Variants in LDLRAD1 observed in about 807,000 individuals in gnomAD.
LDLRAD1 encodes low density lipoprotein receptor class A domain containing 1.
Under a neutral mutation model 24.8 loss-of-function variants are expected in LDLRAD1, and 17 were observed. That is an observed-to-expected ratio of 0.69 (90% confidence interval 0.47 to 1.03). The LOEUF (loss-of-function observed/expected upper bound fraction) is 1.03. Ranked by LOEUF, LDLRAD1 falls within the 50% of genes least tolerant of loss-of-function variation. The pLI, the probability that LDLRAD1 is intolerant of heterozygous loss-of-function variation, is 0.00. For missense variants in LDLRAD1, 277 were observed against 271.0 expected (o/e 1.02, Z -0.16); for synonymous variants, 103 against 108.2 (o/e 0.95, Z 0.30).
intron 1 of LDLRAD1, 85 bp from the exon 2 acceptor site, chr1:54,017,512 G>A (rs1409029482): frequency 1.7e-6 from 2 of 1,146,724 alleles, no homozygotes; most frequent in East Asian, 2.5e-5. Context: ...TTTCAGAGGG[G>A]TCACTGAGAG....
In LDLRAD1 at chr1:54,009,132, T is replaced by G. The variant is rs1655939910; in HGVS notation, c.470-2A>C. 1.2e-6 allele frequency: 2 copies of G among 1,613,492 alleles called. No individual in the cohort carries two copies. Among genetic ancestry groups the G allele is most frequent in the Admixed American group, 3.3e-5 (2 of 59,990 alleles). ...GGCCGCAGGGTGGGCACACAGTTAC[T>G]GCAGAGACAAGAGCCAGCAGGAGAG... On this transcript the variant is annotated splice_acceptor_variant, in intron 5 of 5. Coordinates refer to ENST00000371360, the MANE Select transcript of LDLRAD1 (RefSeq NM_001010978.4). LOFTEE classifies it high-confidence loss of function.
At chr1:54,015,354 C>T (rs947159627) in intron 2 of LDLRAD1, among the ~76,000 whole-genome samples, 9 of 152,326 alleles carry the variant, frequency 5.9e-5, no homozygotes, top group Admixed American at 1.3e-4. Flanking sequence ...CGTCCCTGCT[C>T]TTGTAGAACT....
chr1:54,009,874 T>A (rs1655974280), intron 5 of LDLRAD1, among the ~76,000 whole-genome samples: 1 of 152,142 alleles, frequency 6.6e-6, no homozygotes, highest in Non-Finnish European at 1.5e-5. Context: ...TTGTACTAAG[T>A]TTCTCCTCTC....
At chr1:54,013,459 A>ACTTAC in intron 3 of LDLRAD1, among the ~76,000 whole-genome samples, 2 of 65,086 alleles carry the variant, frequency 3.1e-5, no homozygotes, top group Admixed American at 1.7e-4. Context: ...CCCCAACTTA[A>ACTTAC]TCCCCTTTCT....
chr1:54,008,805 G>A lies in LDLRAD1; in HGVS notation c.*177C>T. 3.4e-6 allele frequency: 2 copies of A among 594,396 alleles called. No homozygotes were observed. The highest frequency in any genetic ancestry group is 3.7e-4 in the Middle Eastern group (1 of 2,674). 36.8% of individuals were successfully genotyped at this position (594,396 alleles called of 1,614,324 possible). On this transcript the variant is annotated 3_prime_UTR_variant, in exon 6 of 6. Transcript: ENST00000371360. ...GGTAATGAGCTCCTGGTCATTGGAA[G>A]CATTCAAGCAGAGGCTGAACAACTT... is the stretch of plus-strand genomic sequence containing the variant.
Position 54,015,404 on chromosome 1 carries a change from T to C in LDLRAD1, c.74-1040A>G, listed in dbSNP as rs535803828. On this transcript the variant is annotated intron_variant, in intron 2 of 5. Coordinates refer to ENST00000371360, the MANE Select transcript of LDLRAD1 (RefSeq NM_001010978.4). ...CTTTAATTCTCCCCTGCTTACAAAA[T>C]AATAAAAGAAGGCTTTACTGAGGAC... Among the ~76,000 whole-genome samples the C allele has an allele frequency of 3.1e-4, 47 of 152,304 alleles. 2 individuals carry two copies. The South Asian group carries it at 9.5e-3, about 31-fold the overall frequency.
intron 3 of LDLRAD1, among the ~76,000 whole-genome samples, chr1:54,013,766 G>A (rs572706850): frequency 2.4e-4 from 36 of 152,256 alleles, no homozygotes; most frequent in African/African-American, 6.5e-4. Context: ...GACGGCTCTC[G>A]GAACAGTTAT....
In LDLRAD1 at chr1:54,010,295, A is replaced by G; in HGVS notation, c.456T>C (p.Asp152=). Residue 152 remains aspartate, a synonymous_variant, in exon 5 of 6, where the codon GAT becomes GAC. Transcript: ENST00000371360. Reference sequence around the variant, plus strand: ...CCAGACCCCTACCTGGGCTCAGTTCATCTGAACAGTCCCCGCAGTTGTTAG... The same window carrying G: ...CCAGACCCCTACCTGGGCTCAGTTCGTCTGAACAGTCCCCGCAGTTGTTAG... ...DGTNNCGDCS[D]ELSPVTVCPP... 6.2e-7 allele frequency: 1 copy of G among 1,614,012 alleles called. No homozygotes were observed. The highest frequency in any genetic ancestry group is 8.5e-7 in the Non-Finnish European group (1 of 1,179,974).
At chr1:54,017,788 A>T (rs1656374190) in intron 1 of LDLRAD1, among the ~76,000 whole-genome samples, 1 of 151,938 alleles carries the variant, frequency 6.6e-6, no homozygotes, top group Non-Finnish European at 1.5e-5. Context: ...CCATACCAGC[A>T]CTTGCCACCT....
chr1:54,010,492 C>T (rs1646331213), intron 4 of LDLRAD1, 82 bp from the exon 5 acceptor site: 1 of 1,468,448 alleles, frequency 6.8e-7, no homozygotes. Context: ...GATTGACCAC[C>T]CTGGCAGTGG....
rs755272622 is a variant in LDLRAD1, at chr1:54,009,041, G to A, written c.559C>T (p.Arg187Cys). The A allele has an allele frequency of 1.3e-5, 21 of 1,613,934 alleles. No individual in the cohort carries two copies. Among genetic ancestry groups the A allele is most frequent in the South Asian group, 8.8e-5 (8 of 91,080 alleles). The stretch of plus-strand genomic sequence containing the variant: ...TCGGAGCAGTGCTGTACATGGTCGC[G>A]GCAGAGATGCCTCGGTATACAGTCG... ...YCDCIPRHLC[R>C]DHVQHCSDWS... The change falls in exon 6 of 6, where the codon CGC becomes TGC. Residue 187 changes from arginine to cysteine, a missense_variant. Arg to Cys is a radical substitution (Grantham distance 180). Coordinates refer to ENST00000371360, the MANE Select transcript of LDLRAD1 (RefSeq NM_001010978.4).
chr1:54,016,180 G>A (rs191861408), intron 2 of LDLRAD1, among the ~76,000 whole-genome samples: 6 of 152,258 alleles, frequency 3.9e-5, no homozygotes, highest in African/African-American at 4.8e-5. Context: ...TTGCAGGTGG[G>A]GGAGCACAAA....
intron 4 of LDLRAD1, 50 bp from the exon 5 acceptor site, chr1:54,010,460 G>C (rs1187080959): frequency 6.2e-7 from 1 of 1,604,986 alleles, no homozygotes. Flanking sequence ...GGCCACAGCT[G>C]TCTGAGGGTT....
At chr1:54,012,800 A>G (rs1474893944) in intron 3 of LDLRAD1, among the ~76,000 whole-genome samples, 1 of 152,098 alleles carries the variant, frequency 6.6e-6, no homozygotes, top group East Asian at 1.9e-4. Flanking sequence ...TCATATCTTT[A>G]TTCTATAGTT....
rs992826328 is a variant in LDLRAD1 at position 54,012,206 on chromosome 1, T to G, written c.277A>C (p.Ser93Arg). ...CHDQRSCIPA[S>R]GVCDGVRTCT... ...GTGCGAACGCCATCACAGACCCCAC[T>G]GGCTGGAATGCAGCTCCTCTGGTCA... Residue 93 changes from serine (S) to arginine (R), a missense_variant, in exon 4 of 6, where the codon AGT (serine) becomes CGT (arginine). Ser to Arg is a moderately radical substitution (Grantham distance 110). Transcript: ENST00000371360. 15 of 1,614,034 alleles carry G rather than the reference T, an allele frequency of 9.3e-6. No individual in the cohort carries two copies. The African/African-American group carries it at 2.0e-4, about 22-fold the overall frequency.
At chr1:54,013,191 A>G (rs918321945) in intron 3 of LDLRAD1, among the ~76,000 whole-genome samples, 2 of 152,028 alleles carry the variant, frequency 1.3e-5, no homozygotes, top group Non-Finnish European at 2.9e-5. Flanking sequence ...CAGACAACAG[A>G]TGTGCACACA....
chr1:54,011,413 G>A (rs114242743), intron 4 of LDLRAD1, among the ~76,000 whole-genome samples: 3 of 152,088 alleles, frequency 2.0e-5, no homozygotes, highest in Non-Finnish European at 4.4e-5. Context: ...GGGTGGCCTC[G>A]GTTGGGCTTG....
In LDLRAD1 at chr1:54,008,885, GGCTGCTTCCTGCCCTT is replaced by G; in HGVS notation, c.*81_*96del. The G allele has an allele frequency of 1.9e-6, 2 of 1,037,422 alleles. No individual in the cohort carries two copies. The highest frequency in any genetic ancestry group is 2.7e-6 in the Non-Finnish European group (2 of 753,830). 64.3% of individuals were successfully genotyped at this position (1,037,422 alleles called of 1,614,324 possible). A position where few individuals can be genotyped will look rare whatever the true frequency, so the allele number is the denominator to read the frequency against. ...AATGATGTGTAGATCCCATTTCAAA[GGCTGCTTCCTGCCCTT>G]GTGCGCTAGGATTTGATTTTCATGT... On this transcript the variant is annotated 3_prime_UTR_variant, in exon 6 of 6. Coordinates refer to ENST00000371360, the MANE Select transcript of LDLRAD1 (RefSeq NM_001010978.4).
chr1:54,013,188 C>T (rs577280542), intron 3 of LDLRAD1, among the ~76,000 whole-genome samples: 1 of 152,126 alleles, frequency 6.6e-6, no homozygotes, highest in Non-Finnish European at 1.5e-5. Flanking sequence ...ACACAGACAA[C>T]AGATGTGCAC....
Sources: gnomAD v4.1 joint callset for allele counts (sites outside exome capture counted in the v4.1 genomes callset) on GRCh38, gnomAD v4.1.1 for gene constraint, MANE v1.5 for transcripts, NCBI Gene and HGNC (gene_info 2026-07-23, HGNC 2026-07-21) for gene names.